The following TMED10 variants were observed in gnomAD, a reference collection of about 807,000 sequenced individuals.
TMED10 encodes the protein transmembrane p24 trafficking protein 10, also known as transmembrane emp24 domain-containing protein 10.
A neutral mutation model predicts 23.1 loss-of-function variants in TMED10; 7 were observed. The observed-to-expected ratio is 0.30, with a 90% CI of 0.17 to 0.57. TMED10 has a LOEUF of 0.57. Ranked by LOEUF, TMED10 falls within the 20% of genes least tolerant of loss-of-function variation. TMED10 has a pLI of 0.91. For missense variants in TMED10, 162 were observed against 274.8 expected (o/e 0.59, Z 2.90); for synonymous variants, 113 against 106.9 (o/e 1.06, Z -0.35).
At chr14:75,158,534 C>T (rs2139849269) in intron 1 of TMED10, among the ~76,000 whole-genome samples, 1 of 152,128 alleles carries the variant, frequency 6.6e-6, no homozygotes, top group East Asian at 2.0e-4. Flanking sequence ...CCCTATGTTG[C>T]CCAGGCTGGT....
intron 1 of TMED10, 95 bp from the exon 2 acceptor site, chr14:75,152,238 C>T: frequency 1.1e-6 from 1 of 926,528 alleles, no homozygotes; most frequent in Non-Finnish European, 1.7e-6. Flanking sequence ...CTATGAAAGA[C>T]AATTGATAGT....
intron 2 of TMED10, among the ~76,000 whole-genome samples, chr14:75,148,461 A>G (rs921861215): frequency 2.0e-5 from 3 of 152,056 alleles, no homozygotes; most frequent in African/African-American, 4.8e-5. Flanking sequence ...AATAGAGTTC[A>G]TGTTAGAAGA....
At chr14:75,164,513 G>C (rs1194220293) in intron 1 of TMED10, among the ~76,000 whole-genome samples, 1 of 137,826 alleles carries the variant, frequency 7.3e-6, no homozygotes, top group Non-Finnish European at 1.5e-5. Context: ...TTACAGGCGT[G>C]AGCCACTGCA....
chr14:75,152,982 C>T (rs962941305), intron 1 of TMED10, among the ~76,000 whole-genome samples: 3 of 152,166 alleles, frequency 2.0e-5, no homozygotes, highest in Non-Finnish European at 4.4e-5. Flanking sequence ...ATCAGCTGGG[C>T]GCAGTGGCAT....
chr14:75,136,131 A>C lies in TMED10; in HGVS notation c.412-245T>G, dbSNP rs876403. Among the ~76,000 whole-genome samples, 248 of 152,138 alleles carry C rather than the reference A, an allele frequency of 1.6e-3. 1 individual carries two copies. Among genetic ancestry groups the C allele is most frequent in the Admixed American group, 2.5e-3 (38 of 15,282 alleles). On this transcript the variant is annotated intron_variant, in intron 3 of 4. Coordinates refer to ENST00000303575, the MANE Select transcript of TMED10 (RefSeq NM_006827.6). ...AGAAGTAATATAATAACCGTAGGCT[A>C]TAAAGTAAGATATACTATTGTCTCA... is the stretch of plus-strand genomic sequence containing the variant.
chr14:75,135,372 G>A (rs985926982), intron 4 of TMED10, among the ~76,000 whole-genome samples: 3 of 152,102 alleles, frequency 2.0e-5, no homozygotes, highest in Non-Finnish European at 4.4e-5. Flanking sequence ...CCCAGGAGGC[G>A]GAGGTTGCAG....
intron 1 of TMED10, among the ~76,000 whole-genome samples, chr14:75,172,893 AT>A (rs988608216): frequency 1.7e-3 from 258 of 149,116 alleles, no homozygotes; most frequent in African/African-American, 5.4e-3. Context: ...GGCTGGTGAA[AT>A]TTTTTTTTTT....
intron 1 of TMED10, among the ~76,000 whole-genome samples, chr14:75,157,800 C>A (rs893172124): frequency 6.6e-6 from 1 of 150,728 alleles, no homozygotes; most frequent in East Asian, 2.0e-4. Flanking sequence ...ATTAGTTGGG[C>A]GTAGTGGCAG....
chr14:75,144,917 C>T (rs1287782055), intron 3 of TMED10, among the ~76,000 whole-genome samples: 1 of 152,228 alleles, frequency 6.6e-6, no homozygotes, highest in Non-Finnish European at 1.5e-5. Flanking sequence ...CCTTGGCCTC[C>T]CAAAGTGCTG....
rs1156602405 is a variant in TMED10 at position 75,134,317 on chromosome 14, C to T, written c.*568G>A. The T allele has an allele frequency of 6.5e-6, 1 of 153,978 alleles. No homozygotes were observed. Among genetic ancestry groups the T allele is most frequent in the Non-Finnish European group, 1.5e-5 (1 of 68,956 alleles). 9.5% of individuals were successfully genotyped at this position (153,978 alleles called of 1,614,324 possible). On this transcript the variant is annotated 3_prime_UTR_variant, in exon 5 of 5. Coordinates refer to ENST00000303575, the MANE Select transcript of TMED10 (RefSeq NM_006827.6). ...TTTAAGAGTTATCTACAGTTCAAAGCTCACTTTTATGAGGTGTCACATCCA... is the reference window on the plus strand; with the variant it reads ...TTTAAGAGTTATCTACAGTTCAAAGTTCACTTTTATGAGGTGTCACATCCA...
intron 1 of TMED10, among the ~76,000 whole-genome samples, chr14:75,167,579 TA>T (rs760832198): frequency 3.9e-5 from 6 of 152,198 alleles, no homozygotes; most frequent in Non-Finnish European, 7.3e-5. Context: ...TACTTCTTCA[TA>T]ATTTTTAGGC....
At chr14:75,165,191 G>A (rs1896145116) in intron 1 of TMED10, among the ~76,000 whole-genome samples, 1 of 152,040 alleles carries the variant, frequency 6.6e-6, no homozygotes, top group Non-Finnish European at 1.5e-5. Context: ...AAGATGCTAT[G>A]GCTTTAGATA....
intron 1 of TMED10, among the ~76,000 whole-genome samples, chr14:75,172,653 G>T (rs1338065715): frequency 6.6e-6 from 1 of 152,086 alleles, no homozygotes; most frequent in East Asian, 1.9e-4. Flanking sequence ...TAACATTGTG[G>T]TTTATATTTT....
At chr14:75,161,323 T>TAGG (rs1275350022) in intron 1 of TMED10, among the ~76,000 whole-genome samples, 1 of 152,120 alleles carries the variant, frequency 6.6e-6, no homozygotes, top group Non-Finnish European at 1.5e-5. Context: ...ATAAGGCAAT[T>TAGG]AGGAATAAAA....
rs750427859 is a variant in TMED10, at chr14:75,134,833, G to T, written c.*52C>A. On this transcript the variant is annotated 3_prime_UTR_variant, in exon 5 of 5. Transcript: ENST00000303575. The stretch of plus-strand genomic sequence containing the variant: ...GATGCCTTAGGCCAGGCACGTCCCA[G>T]CGATGTTCTGCTGGCTGAGGTACAA... The T allele has an allele frequency of 9.3e-6, 15 of 1,609,926 alleles. No individual in the cohort carries two copies. The highest frequency in any genetic ancestry group is 1.3e-5 in the Non-Finnish European group (15 of 1,177,644).
chr14:75,175,287 T>C (rs1309882608), intron 1 of TMED10, among the ~76,000 whole-genome samples: 6 of 152,016 alleles, frequency 3.9e-5, no homozygotes, highest in Non-Finnish European at 5.9e-5. Flanking sequence ...AAGAGCATAG[T>C]TGGTATTTAC....
At chr14:75,149,784 A>C (rs931647063) in intron 2 of TMED10, among the ~76,000 whole-genome samples, 9 of 152,234 alleles carry the variant, frequency 5.9e-5, no homozygotes, top group African/African-American at 1.9e-4. Context: ...TTAAAATCGG[A>C]GTATGGCATG....
At chr14:75,159,954 C>A (rs1216272770) in intron 1 of TMED10, among the ~76,000 whole-genome samples, 1 of 152,164 alleles carries the variant, frequency 6.6e-6, no homozygotes, top group Non-Finnish European at 1.5e-5. Flanking sequence ...GCAGCCTGCA[C>A]CTTTTATCAA....
chr14:75,145,452 T>C (rs939440630), intron 3 of TMED10, among the ~76,000 whole-genome samples: 4 of 152,216 alleles, frequency 2.6e-5, no homozygotes, highest in African/African-American at 7.2e-5. Context: ...GAACTAGCTA[T>C]GTCTACTGTC....
Sources: allele counts gnomAD v4.1 joint callset (sites outside exome capture counted in the v4.1 genomes callset), GRCh38; gene constraint gnomAD v4.1.1; transcripts MANE v1.5; gene names NCBI Gene and HGNC (gene_info 2026-07-23, HGNC 2026-07-21).